Variants in TRERF1 observed in about 807,000 individuals in gnomAD.
TRERF1 encodes the protein transcriptional regulating factor 1, also known as transcriptional-regulating factor 1.
TRERF1 carries 27 observed loss-of-function variants against 122.9 expected under a neutral mutation model. The observed-to-expected ratio is 0.22, with a 90% CI of 0.16 to 0.30. The LOEUF (loss-of-function observed/expected upper bound fraction) is 0.30. TRERF1 is among the 10% of genes least tolerant of loss of function. TRERF1 has a pLI of 1.00. For missense variants in TRERF1, 1,248 were observed against 1,560.3 expected, an observed-to-expected ratio of 0.80 and a Z score of 3.37; for synonymous variants, 636 against 641.7, an observed-to-expected ratio of 0.99 and a Z score of 0.13.
chr6:42,322,748 T>A (rs938006765), intron 3 of TRERF1, among the ~76,000 whole-genome samples: 1 of 152,136 alleles, frequency 6.6e-6, no homozygotes, highest in Admixed American at 6.5e-5. Flanking sequence ...GCCCAATGCA[T>A]CTGGAGGACT....
chr6:42,243,606 A>T (rs1774162003), intron 14 of TRERF1, among the ~76,000 whole-genome samples: 1 of 144,832 alleles, frequency 6.9e-6, no homozygotes. Context: ...TTTGAGACGG[A>T]GTCTTGCTCT....
rs1439997336 is a variant in TRERF1, at chr6:42,276,262, T to C, written c.-258-6414A>G. On this transcript the variant is annotated intron_variant, in intron 4 of 17. Transcript: ENST00000372922. This position sits in a 1 kb window ranked among gnomAD's most constrained non-coding sequence, Gnocchi z 4.3. ...ATACACCAGGAGAGGAAGTTGACTT[T>C]GGCGGAGGTCTCCGCAGGACTTGTT... Among the ~76,000 whole-genome samples the C allele has an allele frequency of 2.0e-5, 3 of 152,250 alleles. No homozygotes were observed. The highest frequency in any genetic ancestry group is 7.2e-5 in the African/African-American group (3 of 41,462).
rs1781041319 is a variant in TRERF1 at position 42,275,782 on chromosome 6, C to T, written c.-258-5934G>A. 6.6e-6 allele frequency among the ~76,000 whole-genome samples: 1 copy of T among 152,174 alleles called. No individual in the cohort carries two copies. Among genetic ancestry groups the T allele is most frequent in the South Asian group, 2.1e-4 (1 of 4,830 alleles). On this transcript the variant is annotated intron_variant, in intron 4 of 17. Coordinates refer to ENST00000372922, the Ensembl canonical transcript of TRERF1. This position sits in a 1 kb window ranked among gnomAD's most constrained non-coding sequence, Gnocchi z 4.1. ...GATAATAACAAGGCTCTACAGAGAC[C>T]TCCCAGCACACTTTTTCTATACAGG...
chr6:42,313,430 T>G (rs558158968), intron 3 of TRERF1, among the ~76,000 whole-genome samples: 1 of 152,126 alleles, frequency 6.6e-6, no homozygotes, highest in Non-Finnish European at 1.5e-5. Flanking sequence ...CATCTCTCTC[T>G]CTCTGTTTCT....
intron 3 of TRERF1, among the ~76,000 whole-genome samples, chr6:42,351,695 C>A (rs995291702): frequency 2.0e-5 from 3 of 152,092 alleles, no homozygotes; most frequent in African/African-American, 7.2e-5. Context: ...TGCCCCAGCA[C>A]CCCTTGTATC....
At chr6:42,233,862 T>C (rs534346974) in intron 16 of TRERF1, among the ~76,000 whole-genome samples, 1 of 152,334 alleles carries the variant, frequency 6.6e-6, no homozygotes, top group Non-Finnish European at 1.5e-5. Flanking sequence ...ACGTTGTAGA[T>C]AGCCTTAATC....
At chr6:42,387,351 G>C (rs1776976576) in intron 2 of TRERF1, among the ~76,000 whole-genome samples, 1 of 152,174 alleles carries the variant, frequency 6.6e-6, no homozygotes, top group South Asian at 2.1e-4. Flanking sequence ...CCTGCCTAAG[G>C]GCCGAGAAGC....
At chr6:42,318,700 T>C (rs1762900932) in intron 3 of TRERF1, among the ~76,000 whole-genome samples, 2 of 152,256 alleles carry the variant, frequency 1.3e-5, no homozygotes, top group South Asian at 4.1e-4. Context: ...CACCCATTCA[T>C]TTCAGTATTA....
At chr6:42,427,570 A>G in intron 2 of TRERF1, among the ~76,000 whole-genome samples, 1 of 134,018 alleles carries the variant, frequency 7.5e-6, no homozygotes, top group Non-Finnish European at 1.6e-5. Context: ...TTTTTTTTTG[A>G]GACGAGGTCT....
downstream of TRERF1, chr6:42,224,986 G>A (rs1769310761): frequency 6.6e-6 from 1 of 152,036 alleles, no homozygotes; most frequent in South Asian, 2.1e-4. Context: ...ATTGAATCAG[G>A]TTTTCACAAA....
At position 42,259,052 on chromosome 6, in the gene TRERF1, C is replaced by T. The variant is rs946352696; in HGVS notation, c.2269+287G>A. On this transcript the variant is annotated intron_variant, in intron 9 of 17. Coordinates refer to ENST00000372922, the Ensembl canonical transcript of TRERF1. This position sits in a 1 kb window ranked among gnomAD's most constrained non-coding sequence, Gnocchi z 4.9. ...GCCCGGTCTCATTTTTTCTCTCTTGCACGATCATTGCTGGCAGCCTTAAAA... is the reference window on the plus strand; with the variant it reads ...GCCCGGTCTCATTTTTTCTCTCTTGTACGATCATTGCTGGCAGCCTTAAAA... Among the ~76,000 whole-genome samples, 3 of 152,046 alleles carry T rather than the reference C, an allele frequency of 2.0e-5. No individual in the cohort carries two copies. Among genetic ancestry groups the T allele is most frequent in the African/African-American group, 7.2e-5 (3 of 41,382 alleles).
intron 2 of TRERF1, among the ~76,000 whole-genome samples, chr6:42,389,098 G>C (rs989433929): frequency 6.6e-6 from 1 of 151,930 alleles, no homozygotes; most frequent in African/African-American, 2.4e-5. Context: ...TTGGAGAGAG[G>C]GGGTACTTAA....
Position 42,259,227 on chromosome 6 carries a change from G to T in TRERF1, c.2269+112C>A. 1 of 1,385,876 alleles carries T rather than the reference G, an allele frequency of 7.2e-7. No individual in the cohort carries two copies. Among genetic ancestry groups the T allele is most frequent in the Non-Finnish European group, 9.4e-7 (1 of 1,059,830 alleles). 85.8% of individuals were successfully genotyped at this position (1,385,876 alleles called of 1,614,324 possible). ...CACCCAGCAGCGCGTGCTACATACA[G>T]CCAATACTCCGCAAAAGTCTGTGGG... On this transcript the variant is annotated intron_variant, in intron 9 of 17. Transcript: ENST00000372922. The surrounding 1 kb of genome is among the most constrained non-coding windows in gnomAD (Gnocchi z 4.9).
intron 4 of TRERF1, among the ~76,000 whole-genome samples, chr6:42,273,651 A>G (rs1375201473): frequency 2.0e-5 from 3 of 152,212 alleles, no homozygotes; most frequent in Non-Finnish European, 2.9e-5. Context: ...TCCAGAACTC[A>G]CCAATGATCA....
intron 15 of TRERF1, among the ~76,000 whole-genome samples, chr6:42,236,908 T>C (rs9462785): frequency 0.033 from 4,994 of 152,242 alleles, 294 homozygotes; most frequent in African/African-American, 0.11. Context: ...TGCAAGATAC[T>C]GGATTTGACC....
At chr6:42,436,809 AAAAAAATATATATATATATATAT>A (rs1785459510) in intron 2 of TRERF1, among the ~76,000 whole-genome samples, 1 of 117,062 alleles carries the variant, frequency 8.5e-6, no homozygotes, top group African/African-American at 3.2e-5. Context: ...ACAAAAAAAA[AAAAAAATATATATATATATATAT>A]ATATATATAT....
intron 7 of TRERF1, among the ~76,000 whole-genome samples, chr6:42,264,381 G>A (rs575295899): frequency 1.4e-4 from 22 of 152,392 alleles, no homozygotes; most frequent in African/African-American, 4.8e-4. Flanking sequence ...GGTCTTGGGT[G>A]TGTCAAGCAG....
intron 4 of TRERF1, among the ~76,000 whole-genome samples, chr6:42,283,999 G>A (rs114813859): frequency 0.011 from 1,661 of 152,178 alleles, 39 homozygotes; most frequent in African/African-American, 0.037. Context: ...ATATCTTACT[G>A]GTCTTTTGAG....
chr6:42,364,635 G>A (rs1443539006), intron 2 of TRERF1, among the ~76,000 whole-genome samples: 1 of 152,246 alleles, frequency 6.6e-6, no homozygotes, highest in Non-Finnish European at 1.5e-5. Context: ...TCCGTTGTGT[G>A]TGGCAACATG....
Sources: allele counts gnomAD v4.1 joint callset (sites outside exome capture counted in the v4.1 genomes callset), GRCh38; gene constraint gnomAD v4.1.1; non-coding constraint Gnocchi (gnomAD v3.1); transcripts MANE v1.5; gene names NCBI Gene and HGNC (gene_info 2026-07-23, HGNC 2026-07-21).